Variants in WNK1 observed in about 807,000 individuals in gnomAD.
WNK1 encodes the protein serine/threonine-protein kinase WNK1.
WNK1 carries 38 observed loss-of-function variants against 222.8 expected under a neutral mutation model. That is an observed-to-expected ratio of 0.17 (90% CI 0.13 to 0.22). WNK1 has a LOEUF of 0.22. WNK1 is among the 10% of genes least tolerant of loss of function. The probability of loss-of-function intolerance (pLI) is 1.00; values close to 1 mark genes in which losing one functional copy is unlikely to be tolerated. For missense variants in WNK1, 2,348 were observed against 2,918.4 expected (o/e 0.80, Z 4.50); for synonymous variants, 1,090 against 1,092.9 (o/e 1.00, Z 0.05).
At chr12:768,025 C>T (rs1261488486) in intron 1 of WNK1, among the ~76,000 whole-genome samples, 1 of 152,200 alleles carries the variant, frequency 6.6e-6, no homozygotes, top group East Asian at 1.9e-4. Context: ...GGTAAACTAT[C>T]AACTTAAATA....
At chr12:787,467 T>C (rs948006981) in intron 1 of WNK1, among the ~76,000 whole-genome samples, 10 of 152,192 alleles carry the variant, frequency 6.6e-5, no homozygotes, top group African/African-American at 2.4e-4. Flanking sequence ...TTAATATATG[T>C]AAAGCACCAG....
In WNK1 at chr12:909,142, G is replaced by C. The variant is rs965090082; in HGVS notation, c.*350G>C. The C allele has an allele frequency of 1.4e-5, 4 of 291,664 alleles. No homozygotes were observed. Among genetic ancestry groups the C allele is most frequent in the Non-Finnish European group, 2.7e-5 (4 of 150,934 alleles). 18.1% of individuals were successfully genotyped at this position (291,664 alleles called of 1,614,324 possible). A position where few individuals can be genotyped will look rare whatever the true frequency, so the allele number is the denominator to read the frequency against. On this transcript the variant is annotated 3_prime_UTR_variant, in exon 28 of 28. Coordinates refer to ENST00000315939, the MANE Select transcript of WNK1 (RefSeq NM_018979.4). ...TAAAATCAAACCCATCTGTAATTTC[G>C]AGTGGGTGGAGCTCTTGCTTTTGGT... is the stretch of plus-strand genomic sequence containing the variant.
In WNK1 at chr12:900,419, G is replaced by T. The variant is rs1280201301; in HGVS notation, c.6449-57G>T. On this transcript the variant is annotated intron_variant, in intron 25 of 27. Transcript: ENST00000315939. ...AACCAAATGTATAAGAACAGTGCCTGATGAGTGCATGGGAAGAGCTGGACA... is the reference window on the plus strand; with the variant it reads ...AACCAAATGTATAAGAACAGTGCCTTATGAGTGCATGGGAAGAGCTGGACA... The T allele has an allele frequency of 2.5e-6, 4 of 1,587,442 alleles. No individual in the cohort carries two copies. In the East Asian group the frequency reaches 6.7e-5, roughly 27 times the overall value.
intron 1 of WNK1, among the ~76,000 whole-genome samples, chr12:789,134 G>A (rs527889852): frequency 1.3e-5 from 2 of 152,224 alleles, no homozygotes; most frequent in East Asian, 3.9e-4. Context: ...ATACAGATTG[G>A]GAAGTGGAGA....
intron 1 of WNK1, among the ~76,000 whole-genome samples, chr12:762,904 G>A (rs1159983599): frequency 6.8e-6 from 1 of 146,216 alleles, no homozygotes; most frequent in African/African-American, 2.4e-5. Flanking sequence ...GCGCCACCAT[G>A]CCCAGCTAAT....
rs1555080668 is a variant in WNK1 at position 772,429 on chromosome 12, ATG to A, written c.759+18117_759+18118del. On this transcript the variant is annotated intron_variant, in intron 1 of 27. Coordinates refer to ENST00000315939, the MANE Select transcript of WNK1 (RefSeq NM_018979.4). ...GGTGTGTGTGTGTGTGTGTGTATGT[ATG>A]TGTGTGTGTGTATGTATAGGGGTGT... Among the ~76,000 whole-genome samples the A allele has an allele frequency of 7.3e-3, 479 of 65,348 alleles. 3 individuals are homozygous for A. The highest frequency in any genetic ancestry group is 0.022 in the South Asian group (42 of 1,874). 42.9% of individuals were successfully genotyped at this position (65,348 alleles called of 152,430 possible).
At chr12:861,392 G>T in intron 7 of WNK1, 49 bp downstream of exon 7, 2 of 1,584,018 alleles carry the variant, frequency 1.3e-6, no homozygotes, top group Non-Finnish European at 1.7e-6. Flanking sequence ...CTCCTAATTG[G>T]TTTTTTTAGC....
chr12:792,943 C>T (rs1020203327), intron 1 of WNK1, among the ~76,000 whole-genome samples: 3 of 152,028 alleles, frequency 2.0e-5, no homozygotes, highest in South Asian at 4.2e-4. Flanking sequence ...ACCTTTAAGC[C>T]TCTGTTTTCT....
chr12:798,051 A>G (rs1945497605), intron 1 of WNK1, among the ~76,000 whole-genome samples: 1 of 152,082 alleles, frequency 6.6e-6, no homozygotes, highest in Non-Finnish European at 1.5e-5. Context: ...AAAAATGTCT[A>G]AAAGTGAAAA....
chr12:891,562 A>C (rs1436945757), intron 22 of WNK1, among the ~76,000 whole-genome samples: 6 of 151,816 alleles, frequency 4.0e-5, no homozygotes, highest in Non-Finnish European at 8.8e-5. Context: ...ATATTATATC[A>C]TAAAATAGTA....
chr12:884,971 C>G lies in WNK1; in HGVS notation c.4167C>G (p.Ser1389Arg). 1.2e-6 allele frequency: 2 copies of G among 1,614,168 alleles called. No homozygotes were observed. Among genetic ancestry groups the G allele is most frequent in the Non-Finnish European group, 1.7e-6 (2 of 1,180,016 alleles). ...AGGGGATTGCTGGAGTTGCCACCAG[C>G]ACAGGTGTGGTAACTTCAGGTGGTC... Reference protein sequence around the residue: ...TEEGIAGVATSTGVVTSGGLP... With the variant: ...TEEGIAGVATRTGVVTSGGLP... The change falls in exon 19 of 28, where the codon AGC becomes AGG. Residue 1389 changes from serine (S) to arginine (R), a missense_variant. Physicochemically the swap from Ser to Arg is moderately radical, Grantham distance 110. Around this residue, in one of 13 missense-constraint regions of WNK1, gnomAD observed 1,144 missense variants for 1,273.6 expected, o/e 0.90. Coordinates refer to ENST00000315939, the MANE Select transcript of WNK1 (RefSeq NM_018979.4). The surrounding 1 kb of genome is among the most constrained non-coding windows in gnomAD (Gnocchi z 5.6).
In WNK1 at chr12:871,260, T is replaced by G. The variant is rs1952121512; in HGVS notation, c.2140-5T>G. On this transcript the variant is annotated splice_polypyrimidine_tract_variant and splice_region_variant and intron_variant, in intron 8 of 27. Transcript: ENST00000315939. ...TAATTTGTTGTGTTCACTTCTTTCC[T>G]TCAGGCACAGGGGCAGAGCCAGGGT... The G allele has an allele frequency of 6.2e-7, 1 of 1,614,032 alleles. No individual in the cohort carries two copies. Among genetic ancestry groups the G allele is most frequent in the Admixed American group, 1.7e-5 (1 of 60,002 alleles).
At chr12:788,350 T>C (rs1944514366) in intron 1 of WNK1, among the ~76,000 whole-genome samples, 1 of 152,188 alleles carries the variant, frequency 6.6e-6, no homozygotes, top group African/African-American at 2.4e-5. Flanking sequence ...TGTAATACTA[T>C]ATGGAAATTA....
At chr12:817,868 G>A (rs1295573537) in intron 2 of WNK1, among the ~76,000 whole-genome samples, 1 of 151,828 alleles carries the variant, frequency 6.6e-6, no homozygotes, top group Non-Finnish European at 1.5e-5. Flanking sequence ...CAAGAGAATC[G>A]CTTGACCCCG....
chr12:839,659 G>A (rs192916628), intron 4 of WNK1, among the ~76,000 whole-genome samples: 347 of 151,694 alleles, frequency 2.3e-3, no homozygotes, highest in South Asian at 3.8e-3. Context: ...TTAGATTTGG[G>A]GACTATAAAA....
intron 2 of WNK1, among the ~76,000 whole-genome samples, chr12:820,714 A>G (rs1307807502): frequency 1.3e-5 from 2 of 151,904 alleles, no homozygotes; most frequent in East Asian, 3.9e-4. Context: ...GCCTCAAGTG[A>G]TCTCCCTTGC....
At chr12:782,842 A>G (rs1017349975) in intron 1 of WNK1, among the ~76,000 whole-genome samples, 1 of 151,858 alleles carries the variant, frequency 6.6e-6, no homozygotes, top group African/African-American at 2.4e-5. Flanking sequence ...AAAAAAAAAC[A>G]GGTGGAATTA....
chr12:798,036 C>T (rs1460212602), intron 1 of WNK1, among the ~76,000 whole-genome samples: 1 of 151,546 alleles, frequency 6.6e-6, no homozygotes, highest in African/African-American at 2.4e-5. Context: ...TGCCTTCTGT[C>T]TTTTAAAAAT....
At chr12:886,228 T>A in intron 19 of WNK1, 144 bp downstream of exon 19, 1 of 761,112 alleles carries the variant, frequency 1.3e-6, no homozygotes, top group Non-Finnish European at 2.0e-6. Flanking sequence ...TTGACAGCAG[T>A]TTGAGGGTAT....
Sources: gnomAD v4.1 joint callset for allele counts (sites outside exome capture counted in the v4.1 genomes callset) on GRCh38, gnomAD v4.1.1 for gene constraint, gnomAD v4.1.1 regional missense constraint, Gnocchi (gnomAD v3.1) non-coding constraint, MANE v1.5 for transcripts, NCBI Gene and HGNC (gene_info 2026-07-23, HGNC 2026-07-21) for gene names.